Variants in MRTFB observed in about 807,000 individuals in gnomAD.
MRTFB encodes the protein myocardin related transcription factor B.
Under a neutral mutation model 104.2 loss-of-function variants are expected in MRTFB, and 29 were observed. That is an observed-to-expected ratio of 0.28 (90% confidence interval 0.21 to 0.38). The LOEUF (loss-of-function observed/expected upper bound fraction) is 0.38, where lower values mean the gene tolerates loss of function less well. MRTFB is among the 10% of genes least tolerant of loss of function. The pLI is 1.00. For synonymous variants in MRTFB, 535 were observed against 519.5 expected, an observed-to-expected ratio of 1.03 and a Z score of -0.41; for missense variants, 1,270 against 1,341.6, an observed-to-expected ratio of 0.95 and a Z score of 0.83.
chr16:14,076,067 ATATAC>A (rs1463810527), intron 1 of MRTFB, among the ~76,000 whole-genome samples: 6 of 152,002 alleles, frequency 3.9e-5, no homozygotes, highest in East Asian at 3.8e-4. Context: ...GCAAATACTA[ATATAC>A]TATATATACT....
At chr16:14,000,836 G>A in the MRTFB span, among the ~76,000 whole-genome samples, 2 of 152,240 alleles carry the variant, frequency 1.3e-5, no homozygotes, top group East Asian at 1.9e-4. Context: ...TGGCTGGGAC[G>A]ACACAGTGTC....
the MRTFB span, among the ~76,000 whole-genome samples, chr16:14,014,093 C>A: frequency 6.6e-6 from 1 of 152,194 alleles, no homozygotes; most frequent in Non-Finnish European, 1.5e-5. Flanking sequence ...CCCATGCCCT[C>A]CCCTCCTCTC....
At chr16:14,221,778 CTTTTTTTTTTT>C (rs34467645) in intron 8 of MRTFB, among the ~76,000 whole-genome samples, 3 of 70,810 alleles carry the variant, frequency 4.2e-5, no homozygotes, top group South Asian at 9.5e-4. Flanking sequence ...TATTTCTTTC[CTTTTTTTTTTT>C]TTTTTTTTTT....
the MRTFB span, among the ~76,000 whole-genome samples, chr16:14,049,868 T>G: frequency 6.6e-6 from 1 of 152,154 alleles, no homozygotes; most frequent in Non-Finnish European, 1.5e-5. Context: ...GAGTAGGTGG[T>G]ACTACAGGCA....
intron 3 of MRTFB, among the ~76,000 whole-genome samples, chr16:14,175,140 G>A (rs1452845564): frequency 6.7e-6 from 1 of 148,788 alleles, no homozygotes; most frequent in Non-Finnish European, 1.5e-5. Context: ...AACCTTGTGG[G>A]TTTAAAAAAA....
intron 2 of MRTFB, among the ~76,000 whole-genome samples, chr16:14,096,210 A>G (rs1286337007): frequency 6.6e-6 from 1 of 151,974 alleles, no homozygotes; most frequent in Non-Finnish European, 1.5e-5. Flanking sequence ...GGTAGCTGGG[A>G]TTACAGGCAT....
rs757955832 is a variant in MRTFB, at chr16:14,240,726, A to G, written c.1079+242A>G. ...TTTTACAAGTTAGAAATGCCTTTTCACAATTATTCATCCAGATTTGCCTAT... is the reference window on the plus strand; with the variant it reads ...TTTTACAAGTTAGAAATGCCTTTTCGCAATTATTCATCCAGATTTGCCTAT... On this transcript the variant is annotated intron_variant, in intron 10 of 16. Coordinates refer to ENST00000571589, the MANE Select transcript of MRTFB (RefSeq NM_001308142.2). 5.1e-6 allele frequency: 4 copies of G among 790,694 alleles called. No homozygotes were observed. The East Asian group carries it at 9.7e-5, about 19-fold the overall frequency. The allele number at this position is 790,694 out of a possible 1,614,324, so 49.0% of individuals were successfully genotyped here. A position where few individuals can be genotyped will look rare whatever the true frequency, so the allele number is the denominator to read the frequency against.
At chr16:14,213,689 C>A in intron 6 of MRTFB, 69 bp downstream of exon 6, 2 of 1,161,978 alleles carry the variant, frequency 1.7e-6, no homozygotes, top group Non-Finnish European at 2.5e-6. Context: ...TCCACCATTT[C>A]TGTTTATTCC....
upstream of MRTFB, among the ~76,000 whole-genome samples, chr16:14,067,033 C>T (rs73513143): frequency 4.9e-4 from 75 of 152,006 alleles, 1 homozygote; most frequent in African/African-American, 1.7e-3. Flanking sequence ...CTTGTTATGC[C>T]CACCCCTTCC....
chr16:14,250,417 G>A (rs976453988), intron 13 of MRTFB, among the ~76,000 whole-genome samples: 1 of 152,294 alleles, frequency 6.6e-6, no homozygotes, highest in Non-Finnish European at 1.5e-5. Context: ...TAAAACTTGT[G>A]GCTCTTGATG....
intron 12 of MRTFB, 93 bp downstream of exon 12, chr16:14,247,600 A>C: frequency 8.4e-7 from 1 of 1,185,128 alleles, no homozygotes; most frequent in Non-Finnish European, 1.2e-6. Context: ...TCTTCCATAA[A>C]TGCGTCCAGA....
rs75928855 is a variant in MRTFB, at chr16:14,218,754, C to T, written c.515-66C>T. The T allele has an allele frequency of 4.6e-3, 6,652 of 1,452,566 alleles. 266 individuals are homozygous for T. The African/African-American group carries it at 0.082, about 18-fold the overall frequency. The allele number at this position is 1,452,566 out of a possible 1,614,324, so 90.0% of individuals were successfully genotyped here. A position where few individuals can be genotyped will look rare whatever the true frequency, so the allele number is the denominator to read the frequency against. ...TTTTCATAGGAAACAATGTTTTCCTCCTTCACATTAAGCTTGGTATTCCAA... is the reference window on the plus strand; with the variant it reads ...TTTTCATAGGAAACAATGTTTTCCTTCTTCACATTAAGCTTGGTATTCCAA... On this transcript the variant is annotated intron_variant, in intron 7 of 16. Transcript: ENST00000571589.
At chr16:14,186,951 C>A (rs1301027508) in intron 3 of MRTFB, 1 of 1,597,948 alleles carries the variant, frequency 6.3e-7, no homozygotes, top group African/African-American at 1.3e-5. Flanking sequence ...ACAGGGCTTC[C>A]CAGAGATTTT....
At chr16:14,187,080 C>A in intron 3 of MRTFB, 1 of 1,522,326 alleles carries the variant, frequency 6.6e-7, no homozygotes, top group Non-Finnish European at 8.9e-7. Context: ...AATTCATATT[C>A]TGGTCAGCCA....
At chr16:14,152,129 T>G (rs1209216172) in intron 3 of MRTFB, 1 of 152,206 alleles carries the variant, frequency 6.6e-6, no homozygotes, top group Admixed American at 6.5e-5. Flanking sequence ...TTATTTGTAA[T>G]GTTTAAAGAG....
intron 8 of MRTFB, among the ~76,000 whole-genome samples, chr16:14,226,767 G>A (rs1379349422): frequency 1.3e-5 from 2 of 152,014 alleles, no homozygotes; most frequent in East Asian, 1.9e-4. Flanking sequence ...TTGAGGCCAG[G>A]AGTTGAAGAC....
At chr16:14,000,825 G>A in the MRTFB span, among the ~76,000 whole-genome samples, 1 of 152,238 alleles carries the variant, frequency 6.6e-6, no homozygotes, top group East Asian at 1.9e-4. Flanking sequence ...CTACAGAAGG[G>A]TGGCTGGGAC....
chr16:14,196,709 C>G (rs1193315991), intron 3 of MRTFB, among the ~76,000 whole-genome samples: 4 of 152,166 alleles, frequency 2.6e-5, no homozygotes, highest in African/African-American at 4.8e-5. Flanking sequence ...TATGTGCACA[C>G]TGTGGAGCTC....
At chr16:14,057,046 A>C in the MRTFB span, among the ~76,000 whole-genome samples, 5 of 152,196 alleles carry the variant, frequency 3.3e-5, no homozygotes, top group African/African-American at 9.7e-5. Flanking sequence ...TGAATGCTAG[A>C]TATTGCAGAC....
Sources: allele counts gnomAD v4.1 joint callset (sites outside exome capture counted in the v4.1 genomes callset), GRCh38; gene constraint gnomAD v4.1.1; transcripts MANE v1.5; gene names NCBI Gene and HGNC (gene_info 2026-07-23, HGNC 2026-07-21).